PTPN4: variants seen among roughly 807,000 people sequenced by gnomAD.
PTPN4 encodes protein tyrosine phosphatase non-receptor type 4.
A neutral mutation model predicts 135.5 loss-of-function variants in PTPN4; 49 were observed. That is an observed-to-expected ratio of 0.36 (90% CI 0.29 to 0.46). The LOEUF (loss-of-function observed/expected upper bound fraction) is 0.46, where lower values mean the gene tolerates loss of function less well. Ranked by LOEUF, PTPN4 falls within the 20% of genes least tolerant of loss-of-function variation. The pLI is 1.00. For synonymous variants in PTPN4, 333 were observed against 369.9 expected (o/e 0.90, Z 1.14); for missense variants, 860 against 1,101.0 (o/e 0.78, Z 3.10).
At chr2:119,871,856 A>G (rs140899643) in intron 3 of PTPN4, among the ~76,000 whole-genome samples, 2,174 of 152,280 alleles carry the variant, frequency 0.014, 30 homozygotes, top group Non-Finnish European at 0.024. Flanking sequence ...AATTGCTGAC[A>G]CCCTATGCCT....
chr2:119,822,086 C>G (rs186229171), intron 2 of PTPN4, among the ~76,000 whole-genome samples: 1 of 152,162 alleles, frequency 6.6e-6, no homozygotes, highest in East Asian at 1.9e-4. Context: ...AGATTTGAAG[C>G]CACTTCAGTT....
chr2:119,955,453 A>G (rs1247309914), intron 20 of PTPN4, 130 bp downstream of exon 20: 1 of 821,230 alleles, frequency 1.2e-6, no homozygotes, highest in Non-Finnish European at 1.6e-6. Context: ...TGTTTGACAT[A>G]AAGAGTTCTA....
intron 10 of PTPN4, among the ~76,000 whole-genome samples, chr2:119,905,246 AAACTC>A (rs1235601011): frequency 7.2e-5 from 11 of 152,172 alleles, no homozygotes; most frequent in Admixed American, 7.2e-4. Context: ...TACCTACAAG[AAACTC>A]AACTTCACCT....
intron 10 of PTPN4, among the ~76,000 whole-genome samples, chr2:119,901,321 A>T (rs1448183121): frequency 6.6e-6 from 1 of 152,336 alleles, no homozygotes; most frequent in South Asian, 2.1e-4. Flanking sequence ...CCACATCAAC[A>T]TGGCTCATAA....
intron 11 of PTPN4, 33 bp from the exon 12 acceptor site, chr2:119,920,036 C>G (rs1678714390): frequency 1.9e-6 from 3 of 1,569,286 alleles, no homozygotes; most frequent in East Asian, 2.3e-5. Context: ...TGACATTTTC[C>G]TGGTATTCTC....
intron 2 of PTPN4, among the ~76,000 whole-genome samples, chr2:119,824,343 A>G (rs985170440): frequency 6.6e-6 from 1 of 152,064 alleles, no homozygotes. Flanking sequence ...GGTTAGTAGT[A>G]TTTTTGTTTT....
chr2:119,775,114 A>G (rs1192843020), intron 1 of PTPN4, among the ~76,000 whole-genome samples: 1 of 119,524 alleles, frequency 8.4e-6, no homozygotes, highest in Non-Finnish European at 1.8e-5. Context: ...AAAAAAAAAA[A>G]AAAAAAAAAA....
At chr2:119,843,361 C>A (rs1180152355) in intron 2 of PTPN4, among the ~76,000 whole-genome samples, 1 of 144,494 alleles carries the variant, frequency 6.9e-6, no homozygotes. Flanking sequence ...TAGTGCAGAA[C>A]AAAATGAAAA....
Position 119,981,870 on chromosome 2 carries a change from ATTTG to A in PTPN4, c.*4802_*4805del, listed in dbSNP as rs1679701950. ...TTTGCATATAAATTTGCTGCTATTT[ATTTG>A]TATGTTTTTCTACTGTAGTATGCTA... On this transcript the variant is annotated 3_prime_UTR_variant, in exon 27 of 27. Coordinates refer to ENST00000263708, the MANE Select transcript of PTPN4 (RefSeq NM_002830.4). 1 of 152,108 alleles carries A rather than the reference ATTTG, an allele frequency of 6.6e-6. No individual in the cohort carries two copies. 9.4% of individuals were successfully genotyped at this position (152,108 alleles called of 1,614,324 possible).
chr2:119,938,588 A>G (rs1679018600), intron 15 of PTPN4, among the ~76,000 whole-genome samples: 2 of 152,318 alleles, frequency 1.3e-5, no homozygotes, highest in South Asian at 4.1e-4. Context: ...GATGTATATA[A>G]GCCCTGATAT....
intron 10 of PTPN4, among the ~76,000 whole-genome samples, chr2:119,902,180 T>G (rs918397893): frequency 1.6e-4 from 25 of 152,280 alleles, no homozygotes; most frequent in African/African-American, 4.6e-4. Flanking sequence ...AAGCAAAGCA[T>G]AAAAAGCACA....
rs746341802 is a variant in PTPN4 at position 119,934,838 on chromosome 2, G to A, written c.1235G>A (p.Arg412Gln). ...STFTQEGTRLRPSSVGHLVDH... is the reference protein window; with the variant it reads ...STFTQEGTRLQPSSVGHLVDH... ...TTCACGCAGGAAGGAACCCGGTTAC[G>A]ACCATCTTCAGTTGGTCATTTGGTA... Residue 412 changes from arginine (R) to glutamine (Q), a missense_variant, in exon 15 of 27, where the codon CGA (arginine) becomes CAA (glutamine). Around this residue, in one of 2 missense-constraint regions of PTPN4, gnomAD observed 684 missense variants for 807.0 expected, o/e 0.85. Coordinates refer to ENST00000263708, the MANE Select transcript of PTPN4 (RefSeq NM_002830.4). 23 of 1,613,820 alleles carry A rather than the reference G, an allele frequency of 1.4e-5. No individual in the cohort carries two copies. The highest frequency in any genetic ancestry group is 1.1e-4 in the East Asian group (5 of 44,878).
At chr2:119,851,600 A>G (rs1677592379) in intron 2 of PTPN4, among the ~76,000 whole-genome samples, 1 of 152,138 alleles carries the variant, frequency 6.6e-6, no homozygotes, top group Non-Finnish European at 1.5e-5. Context: ...TGCCCATCTG[A>G]GGCTTTCTTC....
intron 8 of PTPN4, among the ~76,000 whole-genome samples, chr2:119,883,316 G>A (rs996635710): frequency 1.3e-5 from 2 of 151,950 alleles, no homozygotes; most frequent in Non-Finnish European, 2.9e-5. Context: ...CCAAGATATT[G>A]CATTAAGTAT....
In PTPN4 at chr2:119,966,262, C is replaced by A. The variant is rs536078029; in HGVS notation, c.2558+617C>A. Among the ~76,000 whole-genome samples, 12 of 152,094 alleles carry A rather than the reference C, an allele frequency of 7.9e-5. No individual in the cohort carries two copies. The East Asian group carries it at 2.1e-3, about 27-fold the overall frequency. On this transcript the variant is annotated intron_variant, in intron 25 of 26. Coordinates refer to ENST00000263708, the MANE Select transcript of PTPN4 (RefSeq NM_002830.4). ...ACTTAATCACCTCCAAAAGGTCCCA[C>A]CTTTTCTTTTTTTTCAGTCGGAGTC...
chr2:119,889,296 T>A (rs887369096), intron 9 of PTPN4, among the ~76,000 whole-genome samples: 4 of 152,146 alleles, frequency 2.6e-5, no homozygotes, highest in African/African-American at 9.7e-5. Context: ...GGTGGGCACC[T>A]GTAGTCCCCA....
intron 1 of PTPN4, among the ~76,000 whole-genome samples, chr2:119,795,717 T>G (rs1041535619): frequency 6.6e-6 from 1 of 152,214 alleles, no homozygotes; most frequent in African/African-American, 2.4e-5. Flanking sequence ...TGCAGCAACA[T>G]CCATGCCTGG....
At chr2:119,792,070 CTGTT>C (rs1375477300) in intron 1 of PTPN4, among the ~76,000 whole-genome samples, 3 of 152,202 alleles carry the variant, frequency 2.0e-5, no homozygotes, top group South Asian at 2.1e-4. Context: ...ATTCTTCTGT[CTGTT>C]CGAATCTGCT....
At chr2:119,907,915 ACCAGAC>A (rs1029918753) in intron 10 of PTPN4, among the ~76,000 whole-genome samples, 49 of 152,306 alleles carry the variant, frequency 3.2e-4, no homozygotes, top group African/African-American at 1.2e-3. Context: ...GAAGAATGGA[ACCAGAC>A]CCTTATCTCA....
Sources: allele counts gnomAD v4.1 joint callset (sites outside exome capture counted in the v4.1 genomes callset), GRCh38; gene constraint gnomAD v4.1.1; regional missense constraint gnomAD v4.1.1; transcripts MANE v1.5; gene names NCBI Gene and HGNC (gene_info 2026-07-23, HGNC 2026-07-21).